The following VRK2 variants were observed in gnomAD, a reference collection of about 807,000 sequenced individuals.
VRK2 encodes serine/threonine-protein kinase VRK2.
A neutral mutation model predicts 57.6 loss-of-function variants in VRK2; 60 were observed. That is an observed-to-expected ratio of 1.04 (90% CI 0.85 to 1.29). The LOEUF is 1.29. Ranked by LOEUF, VRK2 falls within the 50% of genes most tolerant of loss-of-function variation. The pLI is 0.00. For missense variants in VRK2, 705 were observed against 588.1 expected (o/e 1.20, Z -2.06); for synonymous variants, 231 against 199.2 (o/e 1.16, Z -1.35).
chr2:58,035,048 G>C (rs2103705336), intron 3 of VRK2, among the ~76,000 whole-genome samples: 1 of 152,104 alleles, frequency 6.6e-6, no homozygotes, highest in African/African-American at 2.4e-5. Context: ...TAATTGGTTA[G>C]TATGTTCTCT....
At chr2:58,135,049 G>T in intron 9 of VRK2, 92 bp from the exon 10 acceptor site, 1 of 1,340,074 alleles carries the variant, frequency 7.5e-7, no homozygotes, top group East Asian at 2.3e-5. Context: ...CAATTTTGGT[G>T]ACCTACCAAC....
intron 2 of VRK2, among the ~76,000 whole-genome samples, chr2:58,066,744 TTC>T (rs1409844194): frequency 1.3e-5 from 2 of 152,214 alleles, no homozygotes; most frequent in African/African-American, 2.4e-5. Context: ...AAAAAATGGT[TTC>T]ACTTTCTTTA....
At chr2:58,035,797 C>T (rs190345883) in intron 3 of VRK2, among the ~76,000 whole-genome samples, 2 of 152,112 alleles carry the variant, frequency 1.3e-5, no homozygotes, top group Non-Finnish European at 2.9e-5. Flanking sequence ...ATTGAAGTGG[C>T]ATCAGATGAG....
At chr2:58,086,217 A>C (rs139598849) in intron 4 of VRK2, 122 bp from the exon 5 acceptor site, 1 of 817,120 alleles carries the variant, frequency 1.2e-6, no homozygotes. Flanking sequence ...GATTGAAAAA[A>C]AATTATCTTC....
chr2:57,966,831 T>C (rs1335888383), intron 1 of VRK2, among the ~76,000 whole-genome samples: 2 of 152,174 alleles, frequency 1.3e-5, no homozygotes, highest in Admixed American at 1.3e-4. Context: ...AAATATTCAA[T>C]GTATATTGAC....
In VRK2 at chr2:58,116,224, C is replaced by A. The variant is rs185474703; in HGVS notation, c.544-6877C>A. The stretch of plus-strand genomic sequence containing the variant: ...AATGAGATGGTAAGGGGTGCGTGAT[C>A]GGTCGCCAAGGAGGGAGTAGAGGTA... On this transcript the variant is annotated intron_variant, in intron 7 of 12. Coordinates refer to ENST00000340157, the MANE Select transcript of VRK2 (RefSeq NM_006296.7). Among the ~76,000 whole-genome samples the A allele has an allele frequency of 6.6e-5, 10 of 151,914 alleles. No homozygotes were observed. In the East Asian group the frequency reaches 9.7e-4, roughly 15 times the overall value.
chr2:58,122,961 T>C, intron 7 of VRK2, 140 bp from the exon 8 acceptor site: 1 of 1,073,166 alleles, frequency 9.3e-7, no homozygotes, highest in East Asian at 3.0e-5. Context: ...TTGTACATAT[T>C]TTATCCTAAG....
upstream of VRK2, chr2:58,046,640 G>C (rs1674781217): frequency 1.0e-6 from 1 of 985,458 alleles, no homozygotes; most frequent in Non-Finnish European, 1.2e-6. Flanking sequence ...CGTCTCCGGG[G>C]CGTGGACAGG....
chr2:58,144,546 A>C (rs957871693), intron 11 of VRK2, among the ~76,000 whole-genome samples: 1 of 151,966 alleles, frequency 6.6e-6, no homozygotes, highest in African/African-American at 2.4e-5. Context: ...TGGGAGGGCA[A>C]ATCTCACCCT....
chr2:58,134,263 C>A (rs562485155), intron 9 of VRK2, among the ~76,000 whole-genome samples: 4 of 152,196 alleles, frequency 2.6e-5, no homozygotes, highest in Admixed American at 2.6e-4. Context: ...CCCTTTAAGA[C>A]CCTCATTCCA....
intron 4 of VRK2, among the ~76,000 whole-genome samples, 168 bp from the exon 5 acceptor site, chr2:58,086,171 G>A (rs1286014653): frequency 6.6e-6 from 1 of 151,110 alleles, no homozygotes; most frequent in Non-Finnish European, 1.5e-5. Flanking sequence ...GTTAATTATA[G>A]TGGTAACAGT....
intron 1 of VRK2, among the ~76,000 whole-genome samples, chr2:57,914,712 T>C (rs886681329): frequency 6.6e-6 from 1 of 152,130 alleles, no homozygotes; most frequent in Non-Finnish European, 1.5e-5. Context: ...TAATTTGTGG[T>C]TGTGTCCCTC....
chr2:57,941,387 T>A (rs75458775), intron 1 of VRK2, among the ~76,000 whole-genome samples: 2,671 of 152,310 alleles, frequency 0.018, 80 homozygotes, highest in African/African-American at 0.061. Context: ...TGTGTTTTAA[T>A]TTGATCTACC....
intron 1 of VRK2, among the ~76,000 whole-genome samples, chr2:57,966,425 T>A (rs912566953): frequency 6.6e-6 from 1 of 152,192 alleles, no homozygotes; most frequent in Non-Finnish European, 1.5e-5. Flanking sequence ...GGTAATAAGC[T>A]GTTATGTTTT....
chr2:58,016,463 C>G (rs1216047572), intron 1 of VRK2, among the ~76,000 whole-genome samples: 1 of 152,176 alleles, frequency 6.6e-6, no homozygotes, highest in East Asian at 1.9e-4. Context: ...AAGGATTCTC[C>G]TGCCTCAGCC....
At chr2:58,104,416 T>C (rs1573120926) in intron 7 of VRK2, among the ~76,000 whole-genome samples, 1 of 151,690 alleles carries the variant, frequency 6.6e-6, no homozygotes, top group East Asian at 1.9e-4. Context: ...TATACACCAA[T>C]AACAGTGAAG....
chr2:57,977,345 C>T (rs550306569), intron 1 of VRK2, among the ~76,000 whole-genome samples: 1 of 152,192 alleles, frequency 6.6e-6, no homozygotes, highest in East Asian at 1.9e-4. Flanking sequence ...TCTTGCTATC[C>T]ATAAGCATGG....
At chr2:58,052,992 G>A (rs1186760528) in intron 2 of VRK2, among the ~76,000 whole-genome samples, 2 of 152,160 alleles carry the variant, frequency 1.3e-5, no homozygotes, top group African/African-American at 4.8e-5. Flanking sequence ...TTTGAAGGTG[G>A]CATAGTGATG....
intron 2 of VRK2, among the ~76,000 whole-genome samples, chr2:58,056,838 A>G (rs1429249545): frequency 6.6e-6 from 1 of 152,170 alleles, no homozygotes; most frequent in East Asian, 1.9e-4. Context: ...CAACAGCCAA[A>G]CAGCAGAATA....
Sources: gnomAD v4.1 joint callset for allele counts (sites outside exome capture counted in the v4.1 genomes callset) on GRCh38, gnomAD v4.1.1 for gene constraint, MANE v1.5 for transcripts, NCBI Gene and HGNC (gene_info 2026-07-23, HGNC 2026-07-21) for gene names.